The following ARHGEF10L variants were observed in gnomAD, a reference collection of about 807,000 sequenced individuals.
ARHGEF10L encodes the protein Rho guanine nucleotide exchange factor 10 like.
ARHGEF10L carries 69 observed loss-of-function variants against 141.2 expected under a neutral mutation model. The ratio of observed to expected loss-of-function variants is 0.49; its 90% CI spans 0.40 to 0.60. The LOEUF is 0.60. Among genes scored for constraint, ARHGEF10L ranks in the 20% least tolerant of loss-of-function variants. The probability of loss-of-function intolerance (pLI) is 0.00; values close to 1 mark genes in which losing one functional copy is unlikely to be tolerated. For synonymous variants in ARHGEF10L, 711 were observed against 718.5 expected (o/e 0.99, Z 0.17); for missense variants, 1,482 against 1,734.3 (o/e 0.85, Z 2.58).
intron 4 of ARHGEF10L, among the ~76,000 whole-genome samples, chr1:17,590,488 GGGTGTGCA>G (rs1557761789): frequency 6.6e-6 from 1 of 152,160 alleles, no homozygotes; most frequent in African/African-American, 2.4e-5. Context: ...GAGGGCGGAG[GGGTGTGCA>G]GGTGTGTCTC....
At chr1:17,575,739 G>A (rs1223036100) in intron 1 of ARHGEF10L, among the ~76,000 whole-genome samples, 1 of 152,212 alleles carries the variant, frequency 6.6e-6, no homozygotes, top group Non-Finnish European at 1.5e-5. Context: ...TGGCAGGTGG[G>A]TTGGCCTAGC....
chr1:17,673,592 A>G lies in ARHGEF10L; in HGVS notation c.3009+8997A>G, dbSNP rs2063463986. Among the ~76,000 whole-genome samples the G allele has an allele frequency of 6.6e-6, 1 of 152,174 alleles. No individual in the cohort carries two copies. The highest frequency in any genetic ancestry group is 6.5e-5 in the Admixed American group (1 of 15,284). ...TGCACACTCAGGCAGAGTGGCCGCT[A>G]CGCAATGGTCCTCTGTGAGCCTGGC... On this transcript the variant is annotated intron_variant, in intron 26 of 28. Transcript: ENST00000361221. This position sits in a 1 kb window ranked among gnomAD's most constrained non-coding sequence, Gnocchi z 4.1.
At chr1:17,636,969 C>G (rs2061040344) in intron 18 of ARHGEF10L, among the ~76,000 whole-genome samples, 2 of 152,074 alleles carry the variant, frequency 1.3e-5, no homozygotes, top group African/African-American at 4.8e-5. Context: ...CCCCCTACCC[C>G]CATCTCACCC....
At chr1:17,679,083 A>AT (rs2063913060) in intron 26 of ARHGEF10L, among the ~76,000 whole-genome samples, 1 of 152,244 alleles carries the variant, frequency 6.6e-6, no homozygotes, top group Non-Finnish European at 1.5e-5. Flanking sequence ...CCATCGCTCC[A>AT]TCCCTTGCAG....
chr1:17,590,792 G>T (rs1292127921), intron 4 of ARHGEF10L, among the ~76,000 whole-genome samples: 1 of 152,166 alleles, frequency 6.6e-6, no homozygotes, highest in Non-Finnish European at 1.5e-5. Flanking sequence ...TCAAGACCCA[G>T]CCTGGCCAAC....
chr1:17,518,828 A>C, the ARHGEF10L span, among the ~76,000 whole-genome samples: 1 of 105,520 alleles, frequency 9.5e-6, no homozygotes, highest in African/African-American at 3.0e-5. Flanking sequence ...AAAAAAAAGA[A>C]AGAAAGAAAA....
chr1:17,544,993 A>C (rs2076866698), intron 1 of ARHGEF10L, among the ~76,000 whole-genome samples: 1 of 152,160 alleles, frequency 6.6e-6, no homozygotes, highest in African/African-American at 2.4e-5. Context: ...CCTGTGATTC[A>C]ATTACCTCCC....
At chr1:17,624,689 C>T (rs572690507) in intron 13 of ARHGEF10L, among the ~76,000 whole-genome samples, 186 bp downstream of exon 13, 11 of 152,146 alleles carry the variant, frequency 7.2e-5, no homozygotes, top group Non-Finnish European at 1.2e-4. Flanking sequence ...CTGGGAGGAG[C>T]GTAGCCAAGT....
chr1:17,674,979 G>A (rs916285688), intron 26 of ARHGEF10L, among the ~76,000 whole-genome samples: 4 of 152,070 alleles, frequency 2.6e-5, no homozygotes, highest in African/African-American at 7.3e-5. Context: ...TTCTCAGAAC[G>A]GCATTATTCC....
At chr1:17,516,614 G>A in the ARHGEF10L span, among the ~76,000 whole-genome samples, 553 of 152,292 alleles carry the variant, frequency 3.6e-3, 4 homozygotes, top group African/African-American at 0.012. Flanking sequence ...CCCTTCCCAG[G>A]TGGAGCTCTG....
At chr1:17,664,359 C>T in intron 25 of ARHGEF10L, 88 bp from the exon 26 acceptor site, 1 of 1,449,648 alleles carries the variant, frequency 6.9e-7, no homozygotes, top group East Asian at 2.5e-5. Flanking sequence ...GTGGGGGGCC[C>T]TGCTGAGCCC....
intron 26 of ARHGEF10L, among the ~76,000 whole-genome samples, chr1:17,676,646 G>C (rs570874921): frequency 2.0e-5 from 3 of 151,926 alleles, no homozygotes; most frequent in African/African-American, 7.3e-5. Flanking sequence ...ATAGAACAAA[G>C]CTCCTATCAC....
At chr1:17,635,977 T>G (rs550839014) in intron 18 of ARHGEF10L, among the ~76,000 whole-genome samples, 1 of 152,192 alleles carries the variant, frequency 6.6e-6, no homozygotes, top group Non-Finnish European at 1.5e-5. Flanking sequence ...CCACCTACTC[T>G]TGCCGTCTGG....
chr1:17,654,490 G>A lies in ARHGEF10L; in HGVS notation c.2395-146G>A. ...GTGTAGGAACTGCCTGGAGAAGCAG[G>A]CACTCGTGAAGCATGTTGCTTTCCT... On this transcript the variant is annotated intron_variant, in intron 22 of 28. Coordinates refer to ENST00000361221, the MANE Select transcript of ARHGEF10L (RefSeq NM_018125.4). This position sits in a 1 kb window ranked among gnomAD's most constrained non-coding sequence, Gnocchi z 4.3. The A allele has an allele frequency of 1.3e-6, 1 of 749,972 alleles. No homozygotes were observed. Among genetic ancestry groups the A allele is most frequent in the South Asian group, 1.5e-5 (1 of 67,902 alleles). 46.5% of individuals were successfully genotyped at this position (749,972 alleles called of 1,614,324 possible).
chr1:17,692,399 C>G (rs1451196306), intron 27 of ARHGEF10L, among the ~76,000 whole-genome samples: 1 of 152,146 alleles, frequency 6.6e-6, no homozygotes, highest in Non-Finnish European at 1.5e-5. Flanking sequence ...ACCACACATC[C>G]AACCAGGAGC....
At chr1:17,557,550 G>C (rs2077381340) in intron 1 of ARHGEF10L, among the ~76,000 whole-genome samples, 1 of 152,100 alleles carries the variant, frequency 6.6e-6, no homozygotes, top group Admixed American at 6.5e-5. Flanking sequence ...GAACAAAATA[G>C]GAATTCCTGA....
At chr1:17,618,787 C>G (rs1228618963) in intron 9 of ARHGEF10L, among the ~76,000 whole-genome samples, 1 of 152,216 alleles carries the variant, frequency 6.6e-6, no homozygotes, top group Non-Finnish European at 1.5e-5. Context: ...ATTCCGTCCT[C>G]CGTCTGAGGT....
intron 4 of ARHGEF10L, among the ~76,000 whole-genome samples, chr1:17,595,223 T>A (rs1310871117): frequency 1.6e-5 from 2 of 125,726 alleles, no homozygotes; most frequent in Non-Finnish European, 3.1e-5. Flanking sequence ...GGCTCACCTT[T>A]TTTTTTTTTT....
chr1:17,694,615 T>C, intron 27 of ARHGEF10L: 1 of 279,298 alleles, frequency 3.6e-6, no homozygotes, highest in Non-Finnish European at 7.0e-6. Context: ...GCCTGCAGGG[T>C]GTGCTGTGAC....
Sources: allele counts gnomAD v4.1 joint callset (sites outside exome capture counted in the v4.1 genomes callset), GRCh38; gene constraint gnomAD v4.1.1; non-coding constraint Gnocchi (gnomAD v3.1); transcripts MANE v1.5; gene names NCBI Gene and HGNC (gene_info 2026-07-23, HGNC 2026-07-21).